CFAP184: variants seen among roughly 807,000 people sequenced by gnomAD.
CFAP184 encodes the protein cilia and flagella associated protein 184.
chr4:7,041,398 T>C, the CFAP184 span: 1 of 1,614,238 alleles, frequency 6.2e-7, no homozygotes, highest in Non-Finnish European at 8.5e-7. Context: ...CTTGTCCACC[T>C]TTTCTTCCAA....
At chr4:7,042,324 G>T in the CFAP184 span, 8 of 1,600,298 alleles carry the variant, frequency 5.0e-6, no homozygotes, top group Non-Finnish European at 6.8e-6. Context: ...CCTCAAACTC[G>T]TCCCTTCCAT....
chr4:7,042,336 G>A, the CFAP184 span: 3 of 1,606,346 alleles, frequency 1.9e-6, no homozygotes, highest in Non-Finnish European at 1.7e-6. Context: ...CCCTTCCATA[G>A]AGGCGCTTCC....
chr4:7,041,339 T>G, the CFAP184 span: 1 of 1,614,196 alleles, frequency 6.2e-7, no homozygotes, highest in African/African-American at 1.3e-5. Flanking sequence ...AAAGTGAGGC[T>G]AGCGTGGTGG....
chr4:7,041,157 AAT>A, the CFAP184 span: 1 of 1,441,916 alleles, frequency 6.9e-7, no homozygotes. Flanking sequence ...ATAAATACAA[AAT>A]AGAGTCCCGT....
At chr4:7,042,510 A>T in the CFAP184 span, 2 of 1,608,774 alleles carry the variant, frequency 1.2e-6, no homozygotes, top group Non-Finnish European at 1.7e-6. Flanking sequence ...TCAGCGGCAG[A>T]GAGGCCTGGA....
the CFAP184 span, chr4:7,041,986 T>C: frequency 6.2e-7 from 1 of 1,612,494 alleles, no homozygotes; most frequent in Non-Finnish European, 8.5e-7. Context: ...GGTGAGCTTC[T>C]CCTGGCACTG....
At chr4:7,042,668 C>T in the CFAP184 span, 1 of 1,502,858 alleles carries the variant, frequency 6.7e-7, no homozygotes, top group South Asian at 1.3e-5. Context: ...TGGGGCTCGG[C>T]CGGCCTCCCC....
the CFAP184 span, chr4:7,041,299 C>G: frequency 6.2e-7 from 1 of 1,606,448 alleles, no homozygotes; most frequent in Non-Finnish European, 8.5e-7. Flanking sequence ...TTTGGCCTCC[C>G]TGATCTTCTG....
chr4:7,041,010 G>C, the CFAP184 span: 4 of 404,168 alleles, frequency 9.9e-6, no homozygotes, highest in Non-Finnish European at 1.8e-5. Context: ...TGAGACTTTT[G>C]ACAGTTTTTC....
the CFAP184 span, chr4:7,042,967 C>T: frequency 5.0e-6 from 7 of 1,404,244 alleles, no homozygotes; most frequent in Non-Finnish European, 6.5e-6. Context: ...GCGCAGCGGA[C>T]CCCGGCAGGA....
At chr4:7,042,098 C>G in the CFAP184 span, 2 of 1,609,254 alleles carry the variant, frequency 1.2e-6, no homozygotes, top group South Asian at 1.1e-5. Flanking sequence ...TACGCTTGCT[C>G]TTTCTCGGGG....
the CFAP184 span, chr4:7,042,135 C>G: frequency 6.2e-7 from 1 of 1,606,670 alleles, no homozygotes; most frequent in Non-Finnish European, 8.5e-7. Context: ...CCCGGTCAGC[C>G]ACCTCAGCGG....
the CFAP184 span, chr4:7,042,974 A>G: frequency 7.1e-7 from 1 of 1,400,162 alleles, no homozygotes; most frequent in Non-Finnish European, 9.3e-7. Context: ...GGACCCCGGC[A>G]GGACGCTGTT....
the CFAP184 span, chr4:7,042,248 G>A: frequency 1.3e-6 from 2 of 1,595,792 alleles, no homozygotes; most frequent in Non-Finnish European, 1.7e-6. Flanking sequence ...GAACGGTACT[G>A]GTCCAGGAGG....
the CFAP184 span, chr4:7,041,828 CCTT>C: frequency 1.7e-5 from 27 of 1,610,060 alleles, no homozygotes; most frequent in African/African-American, 2.0e-4. Flanking sequence ...GCGCTCATCT[CCTT>C]CTCCTTTTTA....
the CFAP184 span, chr4:7,042,470 C>A: frequency 6.2e-7 from 1 of 1,610,640 alleles, no homozygotes. Flanking sequence ...GCCTCCGGGG[C>A]TGCAGCAGCC....
At chr4:7,042,609 C>T in the CFAP184 span, 1 of 1,515,914 alleles carries the variant, frequency 6.6e-7, no homozygotes. Flanking sequence ...CGGGCTCCGG[C>T]TGGGCGGGCT....
At chr4:7,042,747 G>A in the CFAP184 span, 2 of 1,525,762 alleles carry the variant, frequency 1.3e-6, no homozygotes, top group Non-Finnish European at 8.8e-7. Context: ...CGGCCTGCTC[G>A]TCCGCGGCGG....
At chr4:7,041,711 G>A in the CFAP184 span, 4 of 1,614,198 alleles carry the variant, frequency 2.5e-6, no homozygotes, top group Non-Finnish European at 2.5e-6. Flanking sequence ...ATCTTCAGCT[G>A]TTCAAAGTCA....
Sources: gnomAD v4.1 joint callset for allele counts on GRCh38, gnomAD v4.1.1 for gene constraint, MANE v1.5 for transcripts, NCBI Gene and HGNC (gene_info 2026-07-23, HGNC 2026-07-21) for gene names.